CHRNB4: variants seen among roughly 807,000 people sequenced by gnomAD.
The protein encoded by CHRNB4 is neuronal acetylcholine receptor subunit beta-4.
A neutral mutation model predicts 40.4 loss-of-function variants in CHRNB4; 23 were observed. That is an observed-to-expected ratio of 0.57 (90% CI 0.41 to 0.81). The LOEUF is 0.81. Ranked by LOEUF, CHRNB4 falls within the 30% of genes least tolerant of loss-of-function variation. CHRNB4 has a pLI of 0.00. For missense variants in CHRNB4, 568 were observed against 670.6 expected, an observed-to-expected ratio of 0.85 and a Z score of 1.69; for synonymous variants, 285 against 274.4, an observed-to-expected ratio of 1.04 and a Z score of -0.38.
rs1272950164 is a variant in CHRNB4, at chr15:78,629,983, C to T, written c.360-38G>A. 2.6e-6 allele frequency: 4 copies of T among 1,513,200 alleles called. No homozygotes were observed. The East Asian group carries it at 6.8e-5, about 26-fold the overall frequency. 93.7% of individuals were successfully genotyped at this position (1,513,200 alleles called of 1,614,324 possible). ...AGGGCATGGAGAACATCGTGAAACC[C>T]ATACACAAAACCTGGCCTGTTCTCA... On this transcript the variant is annotated intron_variant, in intron 4 of 5. Coordinates refer to ENST00000261751, the MANE Select transcript of CHRNB4 (RefSeq NM_000750.5). The surrounding 1 kb of genome is among the most constrained non-coding windows in gnomAD (Gnocchi z 6.8).
chr15:78,653,906 T>C (rs118092991), intron 5 of CHRNB4, among the ~76,000 whole-genome samples: 2,590 of 152,276 alleles, frequency 0.017, 49 homozygotes, highest in Admixed American at 0.065. Flanking sequence ...CATCTCAGCA[T>C]CTGCTGTCCA....
chr15:78,641,769 G>A (rs1280178667), upstream of CHRNB4, among the ~76,000 whole-genome samples: 3 of 152,204 alleles, frequency 2.0e-5, no homozygotes, highest in Admixed American at 6.5e-5. Context: ...AGTTAAAAGG[G>A]AATGGGGCTG....
chr15:78,654,577 G>A (rs2054197240), intron 5 of CHRNB4, among the ~76,000 whole-genome samples: 1 of 152,122 alleles, frequency 6.6e-6, no homozygotes, highest in East Asian at 1.9e-4. Context: ...TAAGTAGGGA[G>A]ATCAAGAGTA....
intron 6 of CHRNB4, among the ~76,000 whole-genome samples, chr15:78,649,758 C>G (rs1019794542): frequency 6.6e-6 from 1 of 150,788 alleles, no homozygotes; most frequent in Non-Finnish European, 1.5e-5. Context: ...TAAAATTGCA[C>G]GAGTGATAAA....
At chr15:78,644,970 G>A (rs1424717846), upstream of CHRNB4, among the ~76,000 whole-genome samples, 1 of 152,132 alleles carries the variant, frequency 6.6e-6, no homozygotes, top group Non-Finnish European at 1.5e-5. Flanking sequence ...ATTTCCTGAT[G>A]TTTTGACAGC....
At chr15:78,657,475 T>A (rs1043625740) in intron 2 of CHRNB4, 3 of 152,368 alleles carry the variant, frequency 2.0e-5, no homozygotes, top group Admixed American at 2.0e-4. Context: ...TTACTCTATA[T>A]AAGTTTTGAA....
At chr15:78,646,738 G>A (rs1190145428) in intron 7 of CHRNB4, among the ~76,000 whole-genome samples, 2 of 152,192 alleles carry the variant, frequency 1.3e-5, no homozygotes, top group Non-Finnish European at 2.9e-5. Context: ...ACTTTCCAAA[G>A]GCCCCATCTC....
intron 4 of CHRNB4, among the ~76,000 whole-genome samples, 192 bp from the exon 5 acceptor site, chr15:78,630,137 ACCC>A (rs1249978510): frequency 8.3e-6 from 1 of 120,060 alleles, no homozygotes; most frequent in African/African-American, 3.5e-5. Context: ...ACATCAAAGC[ACCC>A]CCCTTTTTTT....
In CHRNB4 at chr15:78,625,116, C is replaced by T. The variant is rs748959164; in HGVS notation, c.*17G>A. ...CCCGGCCACTCACATCCTCTCACCC[C>T]ACAACCCAGGGGGCCCTCAGTCACG... On this transcript the variant is annotated 3_prime_UTR_variant, in exon 6 of 6. Coordinates refer to ENST00000261751, the MANE Select transcript of CHRNB4 (RefSeq NM_000750.5). 6.2e-7 allele frequency: 1 copy of T among 1,614,010 alleles called. No individual in the cohort carries two copies. Among genetic ancestry groups the T allele is most frequent in the Non-Finnish European group, 8.5e-7 (1 of 1,180,020 alleles).
chr15:78,627,286 C>A (rs1217480994), intron 5 of CHRNB4: 1 of 152,136 alleles, frequency 6.6e-6, no homozygotes, highest in African/African-American at 2.4e-5. Flanking sequence ...TGGGAATCTC[C>A]TGGGGACCTG....
At chr15:78,661,012 T>G (rs1187868679), upstream of CHRNB4, 17 of 522,236 alleles carry the variant, frequency 3.3e-5, no homozygotes, top group Non-Finnish European at 6.2e-5. Flanking sequence ...TCTTCCAAAA[T>G]CTTTTTAATA....
chr15:78,661,274 G>C (rs1326649024), upstream of CHRNB4: 2 of 602,572 alleles, frequency 3.3e-6, no homozygotes, highest in Non-Finnish European at 6.5e-6. Flanking sequence ...CCGCCCTGAG[G>C]ATGCGGCGGC....
upstream of CHRNB4, among the ~76,000 whole-genome samples, chr15:78,646,224 C>T (rs912442515): frequency 7.9e-5 from 12 of 151,990 alleles, no homozygotes; most frequent in African/African-American, 1.9e-4. Flanking sequence ...CCATGACACA[C>T]GGAAACTTGA....
rs78159111 is a variant in CHRNB4, at chr15:78,629,597, G to A, written c.708C>T (p.Thr236=). ...FIIKRKPLFY[T]INLIIPCVLT... ...GCACGCAGGGGATGATGAGGTTGAT[G>A]GTGTAGAACAGAGGCTTGCGCTTGA... Residue 236 remains threonine (T), a synonymous_variant, in exon 5 of 6, where the codon ACC becomes ACT. Transcript: ENST00000261751. This position sits in a 1 kb window ranked among gnomAD's most constrained non-coding sequence, Gnocchi z 6.8. 1.5e-4 allele frequency: 248 copies of A among 1,614,136 alleles called. No homozygotes were observed. The African/African-American group carries it at 2.7e-3, about 17-fold the overall frequency.
chr15:78,636,155 C>A (rs1178791580), intron 1 of CHRNB4, among the ~76,000 whole-genome samples: 1 of 152,202 alleles, frequency 6.6e-6, no homozygotes, highest in African/African-American at 2.4e-5. Context: ...GATCCACCCA[C>A]ATTGGCCACT....
upstream of CHRNB4, among the ~76,000 whole-genome samples, chr15:78,644,450 C>T (rs1254096832): frequency 4.0e-5 from 6 of 151,824 alleles, no homozygotes; most frequent in East Asian, 9.6e-4. Flanking sequence ...TTGTCCCCTC[C>T]AGAGGAGCCA....
At chr15:78,651,890 C>T (rs117342592) in intron 6 of CHRNB4, among the ~76,000 whole-genome samples, 2 of 152,342 alleles carry the variant, frequency 1.3e-5, no homozygotes, top group East Asian at 1.9e-4. Flanking sequence ...CTGCCCCACA[C>T]GAGCCCAAAA....
At chr15:78,641,387 C>CGCA, upstream of CHRNB4, 1 of 449,268 alleles carries the variant, frequency 2.2e-6, no homozygotes, top group Non-Finnish European at 3.9e-6. Context: ...CTTCGGGCCT[C>CGCA]GCAACCTTCC....
chr15:78,628,804 T>C (rs892191894), intron 5 of CHRNB4, among the ~76,000 whole-genome samples, 163 bp downstream of exon 5: 1 of 152,184 alleles, frequency 6.6e-6, no homozygotes, highest in African/African-American at 2.4e-5. Flanking sequence ...CCCGGATGCA[T>C]GAAGCTATAA....
Sources: allele counts gnomAD v4.1 joint callset (sites outside exome capture counted in the v4.1 genomes callset), GRCh38; gene constraint gnomAD v4.1.1; non-coding constraint Gnocchi (gnomAD v3.1); transcripts MANE v1.5; gene names NCBI Gene and HGNC (gene_info 2026-07-23, HGNC 2026-07-21).